TRPM3: variants seen among roughly 807,000 people sequenced by gnomAD.
TRPM3 encodes transient receptor potential cation channel subfamily M member 3.
TRPM3 carries 77 observed loss-of-function variants against 181.2 expected under a neutral mutation model. The ratio of observed to expected loss-of-function variants is 0.42; its 90% CI spans 0.35 to 0.51. The LOEUF (loss-of-function observed/expected upper bound fraction) is 0.51, where lower values mean the gene tolerates loss of function less well. Ranked by LOEUF, TRPM3 falls within the 20% of genes least tolerant of loss-of-function variation. The probability of loss-of-function intolerance (pLI) is 0.01; values close to 1 mark genes in which losing one functional copy is unlikely to be tolerated. For missense variants in TRPM3, 1,759 were observed against 2,196.7 expected (o/e 0.80, Z 3.98); for synonymous variants, 745 against 796.4 (o/e 0.94, Z 1.09).
chr9:71,286,049 T>C (rs895878595), intron 1 of TRPM3, among the ~76,000 whole-genome samples: 1 of 152,210 alleles, frequency 6.6e-6, no homozygotes, highest in Non-Finnish European at 1.5e-5. Flanking sequence ...AAGTGATTCA[T>C]TTCTGAAAAC....
intron 1 of TRPM3, among the ~76,000 whole-genome samples, chr9:71,349,738 A>T (rs1225375158): frequency 6.6e-6 from 1 of 152,078 alleles, no homozygotes; most frequent in Non-Finnish European, 1.5e-5. Flanking sequence ...AGAAACTATT[A>T]GACTATGTTG....
In TRPM3 at chr9:71,376,480, G is replaced by C. The variant is rs150951976; in HGVS notation, c.183+70173C>G. On this transcript the variant is annotated intron_variant, in intron 1 of 24. Coordinates refer to the TRPM3 transcript ENST00000357533. ...TCAGGAGTTCTATATTTGTAACCAT[G>C]TATAAAGTAATGCCTTAATATCTTT... Among the ~76,000 whole-genome samples, 108 of 152,108 alleles carry C rather than the reference G, an allele frequency of 7.1e-4. No homozygotes were observed. The East Asian group carries it at 0.02, about 28-fold the overall frequency.
At chr9:70,738,996 G>C (rs568493781) in intron 8 of TRPM3, among the ~76,000 whole-genome samples, 6 of 151,818 alleles carry the variant, frequency 4.0e-5, no homozygotes, top group African/African-American at 1.4e-4. Context: ...AAAAAAAATT[G>C]CCAACCAAGA....
At chr9:70,613,287 A>T (rs1417977737) in intron 18 of TRPM3, among the ~76,000 whole-genome samples, 2 of 152,240 alleles carry the variant, frequency 1.3e-5, no homozygotes, top group Non-Finnish European at 2.9e-5. Context: ...ACTGCACAGC[A>T]TGATTTGAGA....
At chr9:70,999,750 C>A (rs2097579486) in intron 1 of TRPM3, among the ~76,000 whole-genome samples, 1 of 152,132 alleles carries the variant, frequency 6.6e-6, no homozygotes, top group Non-Finnish European at 1.5e-5. Flanking sequence ...TTCTCCAGCA[C>A]CTTTCAATGT....
intron 1 of TRPM3, among the ~76,000 whole-genome samples, chr9:71,052,002 C>T (rs188469968): frequency 6.6e-6 from 1 of 151,998 alleles, no homozygotes; most frequent in East Asian, 1.9e-4. Context: ...GTTAAGGGGA[C>T]CTTTGTACAT....
intron 2 of TRPM3, among the ~76,000 whole-genome samples, chr9:70,864,109 T>C (rs753099239): frequency 1.3e-5 from 2 of 152,036 alleles, no homozygotes; most frequent in Non-Finnish European, 1.5e-5. Flanking sequence ...AACGTGTTGG[T>C]ACTAACTAAG....
At chr9:71,120,906 G>T (rs1219493544) in intron 1 of TRPM3, among the ~76,000 whole-genome samples, 1 of 151,966 alleles carries the variant, frequency 6.6e-6, no homozygotes, top group Non-Finnish European at 1.5e-5. Context: ...TAAAAGGGGT[G>T]GGGGAGCACC....
chr9:71,212,754 G>C (rs2079584686), intron 1 of TRPM3, among the ~76,000 whole-genome samples: 1 of 152,152 alleles, frequency 6.6e-6, no homozygotes, highest in Admixed American at 6.5e-5. Flanking sequence ...AAAGAAAAAG[G>C]GCTGAAAGTA....
intron 1 of TRPM3, among the ~76,000 whole-genome samples, chr9:70,905,904 T>C (rs1022094034): frequency 1.3e-5 from 2 of 152,052 alleles, no homozygotes; most frequent in African/African-American, 4.8e-5. Context: ...TGCCTGGCTA[T>C]TTTTTACTTT....
At chr9:70,673,504 C>T (rs2063377078) in intron 9 of TRPM3, among the ~76,000 whole-genome samples, 1 of 152,208 alleles carries the variant, frequency 6.6e-6, no homozygotes, top group South Asian at 2.1e-4. Flanking sequence ...TTGCTATCCA[C>T]CTACAGTTTA....
In TRPM3 at chr9:70,531,748, A is replaced by T. The variant is rs1398575769; in HGVS notation, c.*4205T>A. On this transcript the variant is annotated 3_prime_UTR_variant, in exon 26 of 26. Transcript: ENST00000677713. ...AAATATCATTTTAAGTTCATTTGTC[A>T]TATAGTCTTTTGCATAACATGCCAG... 1 of 152,208 alleles carries T rather than the reference A, an allele frequency of 6.6e-6. No homozygotes were observed. The allele number at this position is 152,208 out of a possible 1,614,324, so 9.4% of individuals were successfully genotyped here.
At chr9:70,672,519 T>C (rs1425889148) in intron 9 of TRPM3, among the ~76,000 whole-genome samples, 1 of 152,204 alleles carries the variant, frequency 6.6e-6, no homozygotes. Context: ...GTTTTATTTG[T>C]TTTTGCTGGA....
At chr9:70,945,237 A>C (rs1564817735) in intron 1 of TRPM3, among the ~76,000 whole-genome samples, 1 of 152,158 alleles carries the variant, frequency 6.6e-6, no homozygotes, top group Non-Finnish European at 1.5e-5. Flanking sequence ...CTGTCTCATC[A>C]TCTTGTCTTA....
Position 71,186,462 on chromosome 9 carries a change from T to C in TRPM3, c.183+260191A>G, listed in dbSNP as rs555920948. 4.6e-5 allele frequency among the ~76,000 whole-genome samples: 7 copies of C among 152,220 alleles called. No individual in the cohort carries two copies. In the East Asian group the frequency reaches 1.4e-3, roughly 29 times the overall value. ...TCATGCTCTCTCTGCTCTGGTCTTA[T>C]ACTGTATGTTTTTTAAGGCAAATTC... On this transcript the variant is annotated intron_variant, in intron 1 of 24. Transcript: ENST00000357533.
chr9:70,529,890 C>G lies in TRPM3; in HGVS notation c.*6063G>C, dbSNP rs2040646353. Reference sequence around the variant, plus strand: ...GTGGTGGGATGTGTATTCTGTCATGCCTTACTTACAAACCCTACTTCTGTT... The same window carrying G: ...GTGGTGGGATGTGTATTCTGTCATGGCTTACTTACAAACCCTACTTCTGTT... On this transcript the variant is annotated 3_prime_UTR_variant, in exon 26 of 26. Coordinates refer to ENST00000677713, the MANE Select transcript of TRPM3 (RefSeq NM_001366145.2). The G allele has an allele frequency of 6.6e-6, 1 of 152,182 alleles. No homozygotes were observed. Among genetic ancestry groups the G allele is most frequent in the African/African-American group, 2.4e-5 (1 of 41,430 alleles). 9.4% of individuals were successfully genotyped at this position (152,182 alleles called of 1,614,324 possible). A position where few individuals can be genotyped will look rare whatever the true frequency, so the allele number is the denominator to read the frequency against.
chr9:70,950,047 T>A (rs2096981000), intron 1 of TRPM3, among the ~76,000 whole-genome samples: 1 of 152,168 alleles, frequency 6.6e-6, no homozygotes, highest in Non-Finnish European at 1.5e-5. Context: ...TCCTACCTTG[T>A]TTATACTAAA....
In TRPM3 at chr9:70,553,826, C is replaced by T. The variant is rs752270818; in HGVS notation, c.3224-516G>A. On this transcript the variant is annotated intron_variant, in intron 22 of 25. Transcript: ENST00000677713. ...GAAACAACCTGGGAGCTCCAGCTAACGATTTGCTGTCTCAGTACAGAAGGA... is the reference window on the plus strand; with the variant it reads ...GAAACAACCTGGGAGCTCCAGCTAATGATTTGCTGTCTCAGTACAGAAGGA... 5.3e-5 allele frequency among the ~76,000 whole-genome samples: 8 copies of T among 152,180 alleles called. No homozygotes were observed. In the East Asian group the frequency reaches 1.2e-3, roughly 22 times the overall value.
chr9:71,289,183 C>G (rs528151297), intron 1 of TRPM3, among the ~76,000 whole-genome samples: 2,276 of 148,162 alleles, frequency 0.015, 37 homozygotes, highest in African/African-American at 0.044. Context: ...GAGAGAGAGA[C>G]AGCAGAAAAC....
Sources: gnomAD v4.1 joint callset for allele counts (sites outside exome capture counted in the v4.1 genomes callset) on GRCh38, gnomAD v4.1.1 for gene constraint, MANE v1.5 for transcripts, NCBI Gene and HGNC (gene_info 2026-07-23, HGNC 2026-07-21) for gene names.